The following GPR158 variants were observed in gnomAD, a reference collection of about 807,000 sequenced individuals.
GPR158 encodes the protein metabotropic glycine receptor.
Under a neutral mutation model 78.2 loss-of-function variants are expected in GPR158, and 30 were observed. The ratio of observed to expected loss-of-function variants is 0.38; its 90% confidence interval spans 0.29 to 0.52. The LOEUF is 0.52. Among genes scored for constraint, GPR158 ranks in the 20% least tolerant of loss-of-function variants. GPR158 has a pLI of 0.83. For synonymous variants in GPR158, 581 were observed against 591.1 expected (o/e 0.98, Z 0.25); for missense variants, 1,463 against 1,523.5 (o/e 0.96, Z 0.66).
At chr10:25,386,303 G>A (rs1283087631) in intron 2 of GPR158, among the ~76,000 whole-genome samples, 3 of 152,138 alleles carry the variant, frequency 2.0e-5, no homozygotes, top group South Asian at 2.1e-4. Context: ...CTATATGTCT[G>A]TCTTTATGCC....
chr10:25,219,283 G>T (rs1486615835), intron 1 of GPR158, among the ~76,000 whole-genome samples: 1 of 152,168 alleles, frequency 6.6e-6, no homozygotes, highest in Non-Finnish European at 1.5e-5. Flanking sequence ...GTTCCTTGGG[G>T]GTAGGTTTGC....
chr10:25,179,931 T>C (rs187612659), intron 1 of GPR158, among the ~76,000 whole-genome samples: 1 of 152,324 alleles, frequency 6.6e-6, no homozygotes, highest in Non-Finnish European at 1.5e-5. Context: ...ATGATTTTTC[T>C]TCGTGGGACT....
At chr10:25,561,942 G>A (rs866474200) in intron 6 of GPR158, among the ~76,000 whole-genome samples, 34 of 152,144 alleles carry the variant, frequency 2.2e-4, no homozygotes, top group African/African-American at 8.2e-4. Flanking sequence ...TCACATATGG[G>A]AGGAGAACAA....
intron 4 of GPR158, among the ~76,000 whole-genome samples, chr10:25,439,142 C>A (rs182874053): frequency 3.2e-4 from 49 of 152,248 alleles, no homozygotes; most frequent in Admixed American, 9.2e-4. Flanking sequence ...TAAAGACATA[C>A]CTGAGACTAG....
intron 5 of GPR158, among the ~76,000 whole-genome samples, chr10:25,496,545 G>A (rs1835883167): frequency 6.6e-6 from 1 of 152,176 alleles, no homozygotes; most frequent in Admixed American, 6.5e-5. Context: ...AGAAATCCTT[G>A]GTGCTTTTCC....
In GPR158 at chr10:25,554,923, A is replaced by G. The variant is rs532899483; in HGVS notation, c.1514+3838A>G. On this transcript the variant is annotated intron_variant, in intron 6 of 10. Transcript: ENST00000376351. ...AATGTCCTCTTTTTGCCTACACCCC[A>G]GGCAGACCACTCACATAGCCCCACC... 7.1e-4 allele frequency among the ~76,000 whole-genome samples: 108 copies of G among 152,218 alleles called. 1 individual carries two copies. In the South Asian group the frequency reaches 0.011, roughly 15 times the overall value.
intron 3 of GPR158, among the ~76,000 whole-genome samples, chr10:25,405,930 CAT>C (rs1402245662): frequency 2.0e-5 from 3 of 152,046 alleles, no homozygotes; most frequent in Non-Finnish European, 4.4e-5. Flanking sequence ...ATGTCCATCA[CAT>C]GATTACCATG....
chr10:25,529,458 G>A (rs1836394265), intron 5 of GPR158, among the ~76,000 whole-genome samples: 1 of 152,100 alleles, frequency 6.6e-6, no homozygotes, highest in Admixed American at 6.5e-5. Context: ...GGAATTCATA[G>A]AAAGACTTCT....
intron 5 of GPR158, among the ~76,000 whole-genome samples, chr10:25,501,060 G>T (rs1005875044): frequency 6.6e-5 from 10 of 152,144 alleles, no homozygotes; most frequent in African/African-American, 2.4e-4. Context: ...ATAATTTCTG[G>T]TAGGAGATAG....
At chr10:25,366,290 A>T (rs958755980) in intron 2 of GPR158, among the ~76,000 whole-genome samples, 1 of 151,654 alleles carries the variant, frequency 6.6e-6, no homozygotes, top group Non-Finnish European at 1.5e-5. Context: ...TTATTTTCAA[A>T]TTTAATAGAT....
chr10:25,464,731 GCATA>G (rs1835399987), intron 4 of GPR158, among the ~76,000 whole-genome samples: 1 of 152,056 alleles, frequency 6.6e-6, no homozygotes, highest in African/African-American at 2.4e-5. Context: ...CCAACCAATA[GCATA>G]CAAATTATTT....
At chr10:25,305,657 C>T (rs1222801285) in intron 2 of GPR158, among the ~76,000 whole-genome samples, 1 of 152,104 alleles carries the variant, frequency 6.6e-6, no homozygotes, top group Non-Finnish European at 1.5e-5. Context: ...CTGTGTGCCT[C>T]TGCAAGCTTC....
intron 4 of GPR158, 41 bp downstream of exon 4, chr10:25,412,514 C>A: frequency 7.5e-7 from 1 of 1,331,464 alleles, no homozygotes; most frequent in Non-Finnish European, 1.1e-6. Flanking sequence ...TATTACAGAG[C>A]AACCTCTTAT....
At chr10:25,289,227 G>A (rs1854398141) in intron 2 of GPR158, among the ~76,000 whole-genome samples, 1 of 152,164 alleles carries the variant, frequency 6.6e-6, no homozygotes, top group African/African-American at 2.4e-5. Context: ...ATAGGAGATA[G>A]CTACTACTTT....
At chr10:25,257,494 G>GTAA (rs1853905715) in intron 2 of GPR158, among the ~76,000 whole-genome samples, 1 of 152,188 alleles carries the variant, frequency 6.6e-6, no homozygotes, top group Admixed American at 6.5e-5. Flanking sequence ...GAGAAGGAAA[G>GTAA]TAATAATTCT....
chr10:25,428,498 A>T lies in GPR158; in HGVS notation c.1335+16025A>T, dbSNP rs536900358. Among the ~76,000 whole-genome samples the T allele has an allele frequency of 2.6e-5, 4 of 152,182 alleles. No homozygotes were observed. The East Asian group carries it at 7.7e-4, about 29-fold the overall frequency. On this transcript the variant is annotated intron_variant, in intron 4 of 10. Transcript: ENST00000376351. ...TCCAGAGAACTCTTCTAAGGGGTCC[A>T]AGAGTTTGAGATTAAAAAGCATATG...
At chr10:25,398,264 T>C (rs1401019047) in intron 3 of GPR158, among the ~76,000 whole-genome samples, 1 of 152,202 alleles carries the variant, frequency 6.6e-6, no homozygotes, top group Non-Finnish European at 1.5e-5. Context: ...CTTTTGATCA[T>C]TTGTAATGCA....
chr10:25,364,007 A>G (rs1325240033), intron 2 of GPR158, among the ~76,000 whole-genome samples: 2 of 151,992 alleles, frequency 1.3e-5, no homozygotes, highest in Non-Finnish European at 2.9e-5. Flanking sequence ...TACATGAATT[A>G]ATATTTGTAA....
chr10:25,191,751 C>A (rs1852774133), intron 1 of GPR158, among the ~76,000 whole-genome samples: 1 of 152,138 alleles, frequency 6.6e-6, no homozygotes. Flanking sequence ...CCTATCAGTA[C>A]TGCAAATTTA....
Sources: gnomAD v4.1 joint callset for allele counts (sites outside exome capture counted in the v4.1 genomes callset) on GRCh38, gnomAD v4.1.1 for gene constraint, MANE v1.5 for transcripts, NCBI Gene and HGNC (gene_info 2026-07-23, HGNC 2026-07-21) for gene names.